HPSE2: variants seen among roughly 807,000 people sequenced by gnomAD.
HPSE2 encodes the protein inactive heparanase-2.
HPSE2 carries 38 observed loss-of-function variants against 60.5 expected under a neutral mutation model. The ratio of observed to expected loss-of-function variants is 0.63; its 90% confidence interval spans 0.48 to 0.82. The LOEUF (loss-of-function observed/expected upper bound fraction) is 0.82. HPSE2 is among the 40% of genes least tolerant of loss of function. The pLI, the probability that HPSE2 is intolerant of heterozygous loss-of-function variation, is 0.00. For synonymous variants in HPSE2, 295 were observed against 293.2 expected (o/e 1.01, Z -0.06); for missense variants, 713 against 740.4 (o/e 0.96, Z 0.43).
intron 4 of HPSE2, among the ~76,000 whole-genome samples, chr10:98,731,022 C>T (rs1296039667): frequency 2.0e-5 from 3 of 152,202 alleles, no homozygotes; most frequent in Non-Finnish European, 4.4e-5. Context: ...CAGTGGCTCA[C>T]GCCTATAATC....
intron 9 of HPSE2, among the ~76,000 whole-genome samples, chr10:98,529,495 C>G (rs1226843619): frequency 6.6e-6 from 1 of 152,172 alleles, no homozygotes; most frequent in African/African-American, 2.4e-5. Flanking sequence ...GAGAAAAGCA[C>G]AGTCAGGCAA....
chr10:99,124,107 C>T (rs1388107652), intron 3 of HPSE2, among the ~76,000 whole-genome samples: 1 of 152,172 alleles, frequency 6.6e-6, no homozygotes, highest in Non-Finnish European at 1.5e-5. Context: ...CGCCTGGGCA[C>T]TGAGGCAGGT....
chr10:99,293,609 G>A, the HPSE2 span, among the ~76,000 whole-genome samples: 1 of 152,220 alleles, frequency 6.6e-6, no homozygotes, highest in African/African-American at 2.4e-5. Flanking sequence ...AAACATAACT[G>A]ATTTTTACAG....
At chr10:99,296,831 C>A in the HPSE2 span, among the ~76,000 whole-genome samples, 4 of 152,210 alleles carry the variant, frequency 2.6e-5, no homozygotes, top group Middle Eastern at 3.4e-3. Flanking sequence ...ACTGGCCAGG[C>A]GGCAGTCAGA....
intron 3 of HPSE2, among the ~76,000 whole-genome samples, chr10:98,791,420 A>C (rs538642002): frequency 1.2e-4 from 18 of 152,342 alleles, no homozygotes; most frequent in Admixed American, 7.8e-4. Flanking sequence ...ATGCGCTGAG[A>C]AAGTAGAAGC....
At chr10:98,868,598 A>G (rs1441507483) in intron 3 of HPSE2, among the ~76,000 whole-genome samples, 1 of 152,132 alleles carries the variant, frequency 6.6e-6, no homozygotes, top group Non-Finnish European at 1.5e-5. Context: ...CTGTACCAAA[A>G]TATCTCATGT....
chr10:98,969,322 T>C (rs1277673431), intron 3 of HPSE2, among the ~76,000 whole-genome samples: 2 of 152,184 alleles, frequency 1.3e-5, no homozygotes, highest in Non-Finnish European at 2.9e-5. Flanking sequence ...AAGGTTTCTA[T>C]ACTAATCTTT....
chr10:98,746,197 G>GAAATACATTTAATTATTATTTTTAGTGCC (rs1949624643), intron 3 of HPSE2, among the ~76,000 whole-genome samples: 1 of 146,542 alleles, frequency 6.8e-6, no homozygotes, highest in Non-Finnish European at 1.5e-5. Flanking sequence ...TCACATTCAG[G>GAAATACATTTAATTATTATTTTTAGTGCC]AAATACATTT....
chr10:98,780,929 G>C (rs837738), intron 3 of HPSE2, among the ~76,000 whole-genome samples: 8,249 of 152,066 alleles, frequency 0.054, 723 homozygotes, highest in African/African-American at 0.18. Flanking sequence ...GGGAGCATAT[G>C]ACTTAGTTTT....
At chr10:98,822,483 G>C (rs1389200910) in intron 3 of HPSE2, among the ~76,000 whole-genome samples, 1 of 151,908 alleles carries the variant, frequency 6.6e-6, no homozygotes, top group Non-Finnish European at 1.5e-5. Flanking sequence ...GAAATACTAA[G>C]CACGAATTTT....
chr10:99,252,622 A>G, the HPSE2 span, among the ~76,000 whole-genome samples: 3 of 152,206 alleles, frequency 2.0e-5, no homozygotes, highest in Non-Finnish European at 4.4e-5. Context: ...CACGCCTGTA[A>G]TCCCAGCACT....
rs565235944 is a variant in HPSE2, at chr10:98,964,318, A to G, written c.610+179920T>C. 2.0e-5 allele frequency among the ~76,000 whole-genome samples: 3 copies of G among 152,278 alleles called. No individual in the cohort carries two copies. In the East Asian group the frequency reaches 5.8e-4, roughly 29 times the overall value. On this transcript the variant is annotated intron_variant, in intron 3 of 11. Transcript: ENST00000370552. ...TGAAAGAAAATAACTGTCACATATT[A>G]TAAATAAAGAAGTTTATTAAAAGTG... is the stretch of plus-strand genomic sequence containing the variant.
the HPSE2 span, among the ~76,000 whole-genome samples, chr10:99,258,301 C>T: frequency 2.6e-5 from 4 of 152,026 alleles, no homozygotes; most frequent in African/African-American, 9.6e-5. Flanking sequence ...GAGATAAATA[C>T]TTAGAATTAA....
chr10:99,093,614 T>C (rs1231577549), intron 3 of HPSE2, among the ~76,000 whole-genome samples: 4 of 152,108 alleles, frequency 2.6e-5, no homozygotes, highest in Non-Finnish European at 5.9e-5. Context: ...CATCATCACA[T>C]AGCAGAAGGT....
intron 3 of HPSE2, among the ~76,000 whole-genome samples, chr10:98,970,554 T>G (rs1955926469): frequency 6.6e-6 from 1 of 152,176 alleles, no homozygotes; most frequent in African/African-American, 2.4e-5. Flanking sequence ...GATTAATGAT[T>G]CAATAACACT....
intron 3 of HPSE2, among the ~76,000 whole-genome samples, chr10:98,881,571 AC>A (rs1953024330): frequency 6.6e-6 from 1 of 152,094 alleles, no homozygotes; most frequent in Non-Finnish European, 1.5e-5. Flanking sequence ...TACTAACAAA[AC>A]ATTAATGCTT....
At chr10:98,510,863 T>C (rs1021100146) in intron 9 of HPSE2, among the ~76,000 whole-genome samples, 2 of 152,064 alleles carry the variant, frequency 1.3e-5, no homozygotes, top group Admixed American at 6.5e-5. Flanking sequence ...AAGTATCACA[T>C]GAGCGGGAAC....
At chr10:98,607,310 C>G (rs1173772741) in intron 9 of HPSE2, among the ~76,000 whole-genome samples, 1 of 152,146 alleles carries the variant, frequency 6.6e-6, no homozygotes, top group Non-Finnish European at 1.5e-5. Context: ...ATTTAGGAGG[C>G]CACACAATTT....
intron 2 of HPSE2, among the ~76,000 whole-genome samples, chr10:99,217,576 T>TG (rs34295003): frequency 0.49 from 74,572 of 151,582 alleles, 21,493 homozygotes; most frequent in Non-Finnish European, 0.64. Context: ...GACCCAGTTT[T>TG]TTTGTTGTTG....
Sources: gnomAD v4.1 joint callset for allele counts (sites outside exome capture counted in the v4.1 genomes callset) on GRCh38, gnomAD v4.1.1 for gene constraint, MANE v1.5 for transcripts, NCBI Gene and HGNC (gene_info 2026-07-23, HGNC 2026-07-21) for gene names.